The following ARHGEF3 variants were observed in gnomAD, a reference collection of about 807,000 sequenced individuals.
ARHGEF3 encodes the protein 59.8 kDA protein.
In ARHGEF3, 28 loss-of-function variants were observed where a neutral mutation model predicts 63.2. The observed-to-expected ratio is 0.44, with a 90% confidence interval of 0.33 to 0.61. ARHGEF3 has a LOEUF of 0.61. Among genes scored for constraint, ARHGEF3 ranks in the 20% least tolerant of loss-of-function variants. The pLI, the probability that ARHGEF3 is intolerant of heterozygous loss-of-function variation, is 0.03. For synonymous variants in ARHGEF3, 266 were observed against 254.2 expected (o/e 1.05, Z -0.44); for missense variants, 533 against 659.3 (o/e 0.81, Z 2.10).
chr3:56,779,603 A>G (rs2036472847), intron 1 of ARHGEF3, among the ~76,000 whole-genome samples: 1 of 152,016 alleles, frequency 6.6e-6, no homozygotes, highest in South Asian at 2.1e-4. Flanking sequence ...CGCCATGGAC[A>G]ATTCTTTAAT....
chr3:56,776,947 C>G (rs982656540), intron 1 of ARHGEF3, among the ~76,000 whole-genome samples: 1 of 152,196 alleles, frequency 6.6e-6, no homozygotes, highest in Non-Finnish European at 1.5e-5. Flanking sequence ...AAAAAAGACA[C>G]TGAGCATTCT....
chr3:56,908,857 G>C (rs1442353603), intron 3 of ARHGEF3, among the ~76,000 whole-genome samples: 3 of 152,016 alleles, frequency 2.0e-5, no homozygotes, highest in Non-Finnish European at 4.4e-5. Context: ...CCCATTACTG[G>C]GTATATACCC....
chr3:56,949,284 A>G (rs1699680007), intron 3 of ARHGEF3, among the ~76,000 whole-genome samples: 1 of 152,110 alleles, frequency 6.6e-6, no homozygotes, highest in African/African-American at 2.4e-5. Flanking sequence ...GGCCAGGGCA[A>G]TCAGGCAGGA....
chr3:56,904,428 G>A (rs2041622649), intron 3 of ARHGEF3, among the ~76,000 whole-genome samples: 1 of 152,186 alleles, frequency 6.6e-6, no homozygotes, highest in South Asian at 2.1e-4. Flanking sequence ...GCCTCCCAAA[G>A]TGCTGAGATT....
intron 4 of ARHGEF3, 105 bp downstream of exon 4, chr3:56,753,399 T>A (rs1315448740): frequency 9.5e-6 from 9 of 950,296 alleles, no homozygotes; most frequent in Non-Finnish European, 1.5e-5. Context: ...AGCAGACCAG[T>A]CTTAGTCATA....
intron 1 of ARHGEF3, among the ~76,000 whole-genome samples, chr3:57,036,429 CAGG>C (rs1703965473): frequency 6.6e-6 from 1 of 152,060 alleles, no homozygotes. Context: ...ACAGTGTGCA[CAGG>C]AGAAGAATAT....
At chr3:56,990,395 C>T (rs143018915) in intron 2 of ARHGEF3, among the ~76,000 whole-genome samples, 1 of 152,308 alleles carries the variant, frequency 6.6e-6, no homozygotes, top group African/African-American at 2.4e-5. Flanking sequence ...ACCAGCCTGG[C>T]CAATATGGTG....
intron 4 of ARHGEF3, among the ~76,000 whole-genome samples, chr3:56,833,553 T>A (rs2038999658): frequency 6.6e-6 from 1 of 152,040 alleles, no homozygotes; most frequent in Non-Finnish European, 1.5e-5. Context: ...AAAGCTGAAC[T>A]GTATCCAGCC....
intron 4 of ARHGEF3, among the ~76,000 whole-genome samples, chr3:56,853,567 C>T (rs1402491097): frequency 6.6e-6 from 1 of 152,104 alleles, no homozygotes; most frequent in African/African-American, 2.4e-5. Context: ...GAACTCCTGA[C>T]CTGATGATCT....
chr3:56,865,761 G>A (rs2108206267), intron 4 of ARHGEF3, among the ~76,000 whole-genome samples: 1 of 152,224 alleles, frequency 6.6e-6, no homozygotes, highest in South Asian at 2.1e-4. Flanking sequence ...AAGTGTGTAG[G>A]TAATGAGAGC....
intron 4 of ARHGEF3, among the ~76,000 whole-genome samples, chr3:56,819,081 TAAGAG>T (rs777454359): frequency 3.3e-5 from 5 of 152,112 alleles, no homozygotes; most frequent in African/African-American, 4.8e-5. Context: ...AAACAGGACT[TAAGAG>T]AAGACTAAAG....
intron 1 of ARHGEF3, among the ~76,000 whole-genome samples, chr3:57,056,320 G>T (rs1214854384): frequency 6.6e-6 from 1 of 150,844 alleles, no homozygotes. Flanking sequence ...CTGGGAGGCG[G>T]AGGTTGCAGT....
intron 1 of ARHGEF3, among the ~76,000 whole-genome samples, chr3:57,042,959 A>C (rs1240147188): frequency 6.6e-6 from 1 of 151,318 alleles, no homozygotes; most frequent in African/African-American, 2.4e-5. Context: ...AGCCTCCCAA[A>C]GTGCTGGGAT....
rs918552219 is a variant in ARHGEF3 at position 56,794,424 on chromosome 3, G to A, written c.96+7279C>T. On this transcript the variant is annotated intron_variant, in intron 1 of 9. Transcript: ENST00000296315. Reference sequence around the variant, plus strand: ...AACAGCTTGAACCCGGGAGGCAGAGGTTGCAATAAGCTGAGATCGCACCAC... The same window carrying A: ...AACAGCTTGAACCCGGGAGGCAGAGATTGCAATAAGCTGAGATCGCACCAC... 2.0e-5 allele frequency among the ~76,000 whole-genome samples: 3 copies of A among 149,210 alleles called. No individual in the cohort carries two copies. In the East Asian group the frequency reaches 6.0e-4, roughly 30 times the overall value.
intron 2 of ARHGEF3, among the ~76,000 whole-genome samples, chr3:56,972,155 G>A (rs1700941919): frequency 6.6e-6 from 1 of 152,046 alleles, no homozygotes; most frequent in Non-Finnish European, 1.5e-5. Context: ...GGGAGAGAAC[G>A]GTAACCCAAG....
At chr3:57,079,107 G>C (rs1030699022) in intron 1 of ARHGEF3, 1 of 337,274 alleles carries the variant, frequency 3.0e-6, no homozygotes, top group African/African-American at 2.2e-5. Flanking sequence ...GCAAAGGAGG[G>C]ACTAGACCGG....
chr3:56,830,476 C>T (rs1454536492), intron 4 of ARHGEF3, among the ~76,000 whole-genome samples: 1 of 152,174 alleles, frequency 6.6e-6, no homozygotes, highest in Non-Finnish European at 1.5e-5. Context: ...AATAAACCTG[C>T]TAACTGGTCT....
chr3:57,053,365 C>T (rs1047794551), intron 1 of ARHGEF3, among the ~76,000 whole-genome samples: 26 of 152,086 alleles, frequency 1.7e-4, no homozygotes, highest in African/African-American at 6.3e-4. Flanking sequence ...GCAGGAAAAA[C>T]ACCTGCCTCT....
At chr3:56,909,932 C>T (rs2041810879) in intron 3 of ARHGEF3, among the ~76,000 whole-genome samples, 1 of 152,184 alleles carries the variant, frequency 6.6e-6, no homozygotes, top group African/African-American at 2.4e-5. Context: ...GAGCCTACAT[C>T]TTACGAGACA....
Sources: gnomAD v4.1 joint callset for allele counts (sites outside exome capture counted in the v4.1 genomes callset) on GRCh38, gnomAD v4.1.1 for gene constraint, MANE v1.5 for transcripts, NCBI Gene and HGNC (gene_info 2026-07-23, HGNC 2026-07-21) for gene names.